The following ATP5MF variants were observed in gnomAD, a reference collection of about 807,000 sequenced individuals.
ATP5MF encodes ATP synthase membrane subunit f.
ATP5MF carries 10 observed loss-of-function variants against 13.8 expected under a neutral mutation model. That is an observed-to-expected ratio of 0.72 (90% CI 0.45 to 1.23). The LOEUF (loss-of-function observed/expected upper bound fraction) is 1.23. Ranked by LOEUF, ATP5MF falls within the 50% of genes most tolerant of loss-of-function variation. The pLI, the probability that ATP5MF is intolerant of heterozygous loss-of-function variation, is 0.00. For synonymous variants in ATP5MF, 40 were observed against 45.8 expected (o/e 0.87, Z 0.51); for missense variants, 122 against 118.2 (o/e 1.03, Z -0.15).
At chr7:99,463,040 T>A (rs918737094) in intron 1 of ATP5MF, among the ~76,000 whole-genome samples, 1 of 152,226 alleles carries the variant, frequency 6.6e-6, no homozygotes, top group African/African-American at 2.4e-5. Context: ...TTTCCTCCTT[T>A]GTGAAATCCT....
intron 1 of ATP5MF, 136 bp from the exon 2 acceptor site, chr7:99,460,329 T>C: frequency 1.0e-6 from 1 of 963,390 alleles, no homozygotes; most frequent in Non-Finnish European, 1.6e-6. Context: ...ATACACAATA[T>C]TATGAAGAAA....
intron 2 of ATP5MF, 132 bp downstream of exon 2, chr7:99,459,953 TC>T (rs1798523622): frequency 9.7e-7 from 1 of 1,031,676 alleles, no homozygotes; most frequent in African/African-American, 1.6e-5. Context: ...CTAGCATCCC[TC>T]CCTGTCATCC....
chr7:99,460,308 A>G (rs540823353), intron 1 of ATP5MF, 115 bp from the exon 2 acceptor site: 24 of 1,143,510 alleles, frequency 2.1e-5, no homozygotes, highest in Admixed American at 3.8e-5. Context: ...GCAATTACAC[A>G]GAGGCTGCAC....
At chr7:99,460,502 T>G (rs1355531055) in intron 1 of ATP5MF, 1 of 604,446 alleles carries the variant, frequency 1.7e-6, no homozygotes, top group Non-Finnish European at 3.2e-6. Flanking sequence ...CAGGAAAGAT[T>G]ACTGCAAAGC....
In ATP5MF at chr7:99,458,341, G is replaced by A. The variant is rs1295458378; in HGVS notation, c.271C>T (p.Arg91Cys). 19 of 1,608,792 alleles carry A rather than the reference G, an allele frequency of 1.2e-5. No homozygotes were observed. Among genetic ancestry groups the A allele is most frequent in the Middle Eastern group, 1.7e-4 (1 of 6,014 alleles). ...SYKHLKHERL[R>C]KYH is the part of the protein sequence containing the mutation. ...GTGTGTCCTCTTCAGTGGTATTTGC[G>A]GAGCCGCTCGTGCTCTGAAGTCAGG... The change falls in exon 4 of 4, where the codon CGC becomes TGC. Residue 91 changes from arginine (R) to cysteine (C), a missense_variant. Transcript: ENST00000292475.
At chr7:99,459,034 C>G in intron 3 of ATP5MF, 113 bp downstream of exon 3, 1 of 744,346 alleles carries the variant, frequency 1.3e-6, no homozygotes, top group Non-Finnish European at 2.3e-6. Flanking sequence ...ACATAAGGAA[C>G]TTTAACTAAA....
At chr7:99,458,623 T>G (rs1463508414) in intron 3 of ATP5MF, among the ~76,000 whole-genome samples, 1 of 152,038 alleles carries the variant, frequency 6.6e-6, no homozygotes, top group Non-Finnish European at 1.5e-5. Context: ...AGAGAACCCG[T>G]CCTTCAGAGG....
intron 1 of ATP5MF, 35 bp downstream of exon 1, chr7:99,466,076 C>T: frequency 6.2e-7 from 1 of 1,614,044 alleles, no homozygotes; most frequent in South Asian, 1.1e-5. Context: ...TGGACCCTGG[C>T]TCCTGCTTCC....
intron 2 of ATP5MF, chr7:99,459,788 C>T (rs2151025901): frequency 2.8e-6 from 1 of 353,900 alleles, no homozygotes; most frequent in African/African-American, 2.1e-5. Flanking sequence ...CTAATGCCCA[C>T]TACGGTTCCA....
rs372653618 is a variant in ATP5MF, at chr7:99,458,309, G to A, written c.*18C>T. ...CGGGCCAAGGTCGTGGGGTGGGGGGGTGCAGAGTGTGTCCTCTTCAGTGGT... is the reference window on the plus strand; with the variant it reads ...CGGGCCAAGGTCGTGGGGTGGGGGGATGCAGAGTGTGTCCTCTTCAGTGGT... On this transcript the variant is annotated 3_prime_UTR_variant, in exon 4 of 4. Transcript: ENST00000292475. The A allele has an allele frequency of 1.5e-5, 24 of 1,609,000 alleles. No individual in the cohort carries two copies. In the African/African-American group the frequency reaches 1.6e-4, roughly 11 times the overall value.
chr7:99,459,907 C>T, intron 2 of ATP5MF, 179 bp downstream of exon 2: 1 of 670,854 alleles, frequency 1.5e-6, no homozygotes, highest in Non-Finnish European at 2.5e-6. Flanking sequence ...CAGAGCCAGC[C>T]TTTGAAAGGG....
chr7:99,465,259 C>CA lies in ATP5MF; in HGVS notation c.31+851dup, dbSNP rs368812701. Among the ~76,000 whole-genome samples the CA allele has an allele frequency of 3.6e-3, 528 of 146,148 alleles. 3 individuals are homozygous for CA. The highest frequency in any genetic ancestry group is 0.01 in the African/African-American group (408 of 39,728). On this transcript the variant is annotated intron_variant, in intron 1 of 3. Coordinates refer to ENST00000292475, the MANE Select transcript of ATP5MF (RefSeq NM_004889.5). The stretch of plus-strand genomic sequence containing the variant: ...GGGCGACAAGAGCGAAACGCCATCT[C>CA]AAAAAAAAAATGATAAAAAAAAACC...
At chr7:99,462,555 T>C (rs1241221090) in intron 1 of ATP5MF, among the ~76,000 whole-genome samples, 1 of 152,108 alleles carries the variant, frequency 6.6e-6, no homozygotes, top group African/African-American at 2.4e-5. Context: ...GGCAGGCAGA[T>C]CACGAGGTCA....
chr7:99,465,640 C>A (rs1798836601), intron 1 of ATP5MF, among the ~76,000 whole-genome samples: 1 of 152,180 alleles, frequency 6.6e-6, no homozygotes, highest in Non-Finnish European at 1.5e-5. Flanking sequence ...TGACCTTGAA[C>A]AGGTCACCTC....
Position 99,459,238 on chromosome 7 carries a change from G to C in ATP5MF, c.165C>G (p.Tyr55Ter). The C allele has an allele frequency of 6.2e-7, 1 of 1,614,144 alleles. No homozygotes were observed. The highest frequency in any genetic ancestry group is 8.5e-7 in the Non-Finnish European group (1 of 1,179,988). ...AGATGCTCCCCTTCTTCACATTGAT[G>C]TACTTGTTGTAGTACCGGTAGTAAC... is the stretch of plus-strand genomic sequence containing the variant. ...QRGYYRYYNK[Y>*]INVKKGSISG... The change falls in exon 3 of 4, where the codon TAC becomes TAG. Residue 55 changes from tyrosine to a stop codon, truncating the protein, a stop_gained. Transcript: ENST00000292475. LOFTEE classifies it high-confidence loss of function.
intron 2 of ATP5MF, 108 bp from the exon 3 acceptor site, chr7:99,459,371 G>T: frequency 1.2e-6 from 1 of 814,594 alleles, no homozygotes; most frequent in Non-Finnish European, 2.1e-6. Context: ...TGCTCTGGCT[G>T]TTTAAGCCCC....
chr7:99,458,585 G>A (rs1265269326), intron 3 of ATP5MF, among the ~76,000 whole-genome samples: 2 of 152,154 alleles, frequency 1.3e-5, no homozygotes, highest in South Asian at 2.1e-4. Flanking sequence ...AAGGAACAGA[G>A]GGAACACACG....
intron 1 of ATP5MF, chr7:99,460,636 A>C (rs1211131129): frequency 1.1e-5 from 5 of 440,252 alleles, no homozygotes; most frequent in Non-Finnish European, 2.3e-5. Context: ...AGTCACACAC[A>C]CAACGTGGGG....
At chr7:99,463,084 A>G (rs983204544) in intron 1 of ATP5MF, among the ~76,000 whole-genome samples, 4 of 152,240 alleles carry the variant, frequency 2.6e-5, no homozygotes, top group Admixed American at 1.3e-4. Flanking sequence ...GTAAATGAGA[A>G]CTATTACCAC....
Sources: allele counts gnomAD v4.1 joint callset (sites outside exome capture counted in the v4.1 genomes callset), GRCh38; gene constraint gnomAD v4.1.1; transcripts MANE v1.5; gene names NCBI Gene and HGNC (gene_info 2026-07-23, HGNC 2026-07-21).